TENM3: variants seen among roughly 807,000 people sequenced by gnomAD.
TENM3 encodes teneurin transmembrane protein 3.
A neutral mutation model predicts 255.1 loss-of-function variants in TENM3; 63 were observed. The observed-to-expected ratio is 0.25, with a 90% CI of 0.20 to 0.30. The LOEUF (loss-of-function observed/expected upper bound fraction) is 0.30, where lower values mean the gene tolerates loss of function less well. Among genes scored for constraint, TENM3 ranks in the 10% least tolerant of loss-of-function variants. The pLI is 1.00. For missense variants in TENM3, 2,929 were observed against 3,461.1 expected (o/e 0.85, Z 3.86); for synonymous variants, 1,306 against 1,322.3 (o/e 0.99, Z 0.27).
the TENM3 span, among the ~76,000 whole-genome samples, chr4:181,645,379 G>T: frequency 1.7e-3 from 262 of 152,306 alleles, no homozygotes; most frequent in Non-Finnish European, 2.8e-3. Context: ...CTGGGCAGGG[G>T]TCCTGGGAAC....
chr4:181,660,463 A>T, the TENM3 span, among the ~76,000 whole-genome samples: 2 of 152,284 alleles, frequency 1.3e-5, no homozygotes, highest in South Asian at 4.2e-4. Flanking sequence ...GAGAAAATTG[A>T]GGCAAAGTTT....
chr4:182,448,303 T>C (rs1419298852), intron 3 of TENM3, among the ~76,000 whole-genome samples: 1 of 152,120 alleles, frequency 6.6e-6, no homozygotes, highest in Non-Finnish European at 1.5e-5. Flanking sequence ...TGGTCCCTGC[T>C]GCGTTCACGA....
chr4:182,601,769 C>T (rs186538789), intron 4 of TENM3, among the ~76,000 whole-genome samples: 1 of 152,312 alleles, frequency 6.6e-6, no homozygotes, highest in East Asian at 1.9e-4. Context: ...TTTTTCCCTA[C>T]AATGAACTGA....
chr4:182,477,068 A>G (rs1357550588), intron 3 of TENM3, among the ~76,000 whole-genome samples: 1 of 152,184 alleles, frequency 6.6e-6, no homozygotes, highest in Non-Finnish European at 1.5e-5. Context: ...TATTTCAAGG[A>G]TTGTGCCACA....
intron 1 of TENM3, among the ~76,000 whole-genome samples, chr4:182,217,311 G>A (rs1216516319): frequency 3.3e-5 from 5 of 152,042 alleles, no homozygotes; most frequent in African/African-American, 7.2e-5. Context: ...GTGAGCCACC[G>A]CACCTGGCCT....
At chr4:181,543,275 T>C in the TENM3 span, among the ~76,000 whole-genome samples, 1 of 152,054 alleles carries the variant, frequency 6.6e-6, no homozygotes, top group Admixed American at 6.6e-5. Context: ...TCACCAGAAT[T>C]ACAGAGCTTT....
rs188426856 is a variant in TENM3 at position 182,530,089 on chromosome 4, G to A, written c.512-70835G>A. On this transcript the variant is annotated intron_variant, in intron 3 of 27. Coordinates refer to ENST00000511685, the MANE Select transcript of TENM3 (RefSeq NM_001080477.4). ...TTTGTTTCTGTTTTAAAATTAAATT[G>A]TAGATGTGGCCAACATCTCATCCAC... Among the ~76,000 whole-genome samples, 6 of 152,284 alleles carry A rather than the reference G, an allele frequency of 3.9e-5. No homozygotes were observed. The East Asian group carries it at 1.2e-3, about 29-fold the overall frequency.
chr4:182,695,644 C>T (rs1757345094), intron 12 of TENM3, among the ~76,000 whole-genome samples: 1 of 152,076 alleles, frequency 6.6e-6, no homozygotes, highest in Non-Finnish European at 1.5e-5. Context: ...CAGGGAGTTA[C>T]TAGATGAAGA....
chr4:182,594,815 G>T (rs1241092990), intron 3 of TENM3, among the ~76,000 whole-genome samples: 1 of 151,522 alleles, frequency 6.6e-6, no homozygotes, highest in African/African-American at 2.4e-5. Flanking sequence ...CGCCTCCTGG[G>T]TTCATGCAAT....
chr4:182,775,598 A>C (rs1216512400), intron 24 of TENM3, among the ~76,000 whole-genome samples: 1 of 152,124 alleles, frequency 6.6e-6, no homozygotes, highest in Non-Finnish European at 1.5e-5. Context: ...GCCTTGGGCC[A>C]CTGCAAACGC....
At chr4:182,391,490 G>A (rs1768419924) in intron 3 of TENM3, among the ~76,000 whole-genome samples, 1 of 152,140 alleles carries the variant, frequency 6.6e-6, no homozygotes, top group Admixed American at 6.5e-5. Context: ...GGAGGCCAGC[G>A]TCCTGCAAAC....
the TENM3 span, among the ~76,000 whole-genome samples, chr4:181,592,900 A>G: frequency 2.6e-5 from 4 of 152,328 alleles, no homozygotes; most frequent in Non-Finnish European, 4.4e-5. Flanking sequence ...GATGGTCTCA[A>G]TGATTCAAGC....
chr4:181,655,118 C>A, the TENM3 span, among the ~76,000 whole-genome samples: 9 of 152,176 alleles, frequency 5.9e-5, no homozygotes, highest in African/African-American at 1.4e-4. Flanking sequence ...CGAGCTATTG[C>A]AAATCAACTT....
At chr4:182,728,596 C>T (rs1249209304) in intron 13 of TENM3, among the ~76,000 whole-genome samples, 1 of 152,116 alleles carries the variant, frequency 6.6e-6, no homozygotes, top group Non-Finnish European at 1.5e-5. Flanking sequence ...TGTACTTACG[C>T]AAATCTAGAT....
intron 19 of TENM3, among the ~76,000 whole-genome samples, chr4:182,746,472 A>C (rs1181886725): frequency 6.6e-6 from 1 of 152,204 alleles, no homozygotes; most frequent in Non-Finnish European, 1.5e-5. Flanking sequence ...CCTGAATGGA[A>C]CAGGGGGTTC....
rs554262117 is a variant in TENM3, at chr4:182,784,191, A to C, written c.5305-4902A>C. Among the ~76,000 whole-genome samples the C allele has an allele frequency of 3.2e-3, 494 of 152,064 alleles. 3 individuals are homozygous for C. The highest frequency in any genetic ancestry group is 0.011 in the African/African-American group (463 of 41,458). ...TTTCCCCATCTTTGTGGTTTTATCT[A>C]CTTTTGGTCTTTGATGACGGTGATG... On this transcript the variant is annotated intron_variant, in intron 24 of 27. Coordinates refer to ENST00000511685, the MANE Select transcript of TENM3 (RefSeq NM_001080477.4).
chr4:182,389,665 GC>G, intron 3 of TENM3, among the ~76,000 whole-genome samples: 1 of 150,644 alleles, frequency 6.6e-6, no homozygotes, highest in East Asian at 2.0e-4. Flanking sequence ...GACTGTAGTT[GC>G]AAAGCTGCAC....
chr4:182,593,860 T>G (rs1315228232), intron 3 of TENM3, among the ~76,000 whole-genome samples: 2 of 152,050 alleles, frequency 1.3e-5, no homozygotes, highest in Non-Finnish European at 2.9e-5. Context: ...TGTCTCAAAG[T>G]CCATTTCCAC....
the TENM3 span, among the ~76,000 whole-genome samples, chr4:181,542,888 C>A: frequency 6.6e-6 from 1 of 152,146 alleles, no homozygotes; most frequent in East Asian, 1.9e-4. Context: ...AAGTCCTTTC[C>A]CAATCATTGA....
Sources: gnomAD v4.1 joint callset for allele counts (sites outside exome capture counted in the v4.1 genomes callset) on GRCh38, gnomAD v4.1.1 for gene constraint, MANE v1.5 for transcripts, NCBI Gene and HGNC (gene_info 2026-07-23, HGNC 2026-07-21) for gene names.